The following PREX1 variants were observed in gnomAD, a reference collection of about 807,000 sequenced individuals.
PREX1 encodes phosphatidylinositol 3,4,5-trisphosphate-dependent Rac exchanger 1 protein.
In PREX1, 41 loss-of-function variants were observed where a neutral mutation model predicts 198.3. That is an observed-to-expected ratio of 0.21 (90% CI 0.16 to 0.27). The LOEUF (loss-of-function observed/expected upper bound fraction) is 0.27. Among genes scored for constraint, PREX1 ranks in the 10% least tolerant of loss-of-function variants. PREX1 has a pLI of 1.00. For missense variants in PREX1, 1,620 were observed against 2,200.7 expected, an observed-to-expected ratio of 0.74 and a Z score of 5.28; for synonymous variants, 843 against 887.2, an observed-to-expected ratio of 0.95 and a Z score of 0.89.
At chr20:48,655,419 C>T (rs745654955) in intron 18 of PREX1, 44 bp from the exon 19 acceptor site, 1 of 1,414,298 alleles carries the variant, frequency 7.1e-7, no homozygotes, top group African/African-American at 1.5e-5. Context: ...ATGAGGAAAA[C>T]CAGCATCACT....
intron 1 of PREX1, among the ~76,000 whole-genome samples, chr20:48,757,383 C>T (rs1465895132): frequency 1.3e-5 from 2 of 152,190 alleles, no homozygotes; most frequent in East Asian, 1.9e-4. Context: ...AGAGCAGATG[C>T]CCAGTAACAA....
chr20:48,754,133 G>A (rs765786829), intron 1 of PREX1, among the ~76,000 whole-genome samples: 5 of 152,208 alleles, frequency 3.3e-5, no homozygotes, highest in African/African-American at 4.8e-5. Context: ...CTGATATCGA[G>A]CTGGGAGAGG....
In PREX1 at chr20:48,666,223, C is replaced by CA; in HGVS notation, c.1738+59dup. 6.7e-7 allele frequency: 1 copy of CA among 1,492,768 alleles called. No individual in the cohort carries two copies. Among genetic ancestry groups the CA allele is most frequent in the South Asian group, 1.2e-5 (1 of 82,830 alleles). 92.5% of individuals were successfully genotyped at this position (1,492,768 alleles called of 1,614,324 possible). A position where few individuals can be genotyped will look rare whatever the true frequency, so the allele number is the denominator to read the frequency against. On this transcript the variant is annotated intron_variant, in intron 15 of 39. Transcript: ENST00000371941. This position sits in a 1 kb window ranked among gnomAD's most constrained non-coding sequence, Gnocchi z 4.3. ...TGGCTTCAGTCCTCCCATACTCCCCCAAACCATCAGCTCCAGGGAGCAAGG... is the reference window on the plus strand; with the variant it reads ...TGGCTTCAGTCCTCCCATACTCCCCCAAAACCATCAGCTCCAGGGAGCAAGG...
intron 19 of PREX1, among the ~76,000 whole-genome samples, chr20:48,654,142 G>A (rs151092990): frequency 7.9e-5 from 12 of 152,274 alleles, no homozygotes; most frequent in South Asian, 2.1e-4. Flanking sequence ...TGGAACCTTC[G>A]GCAAGTCCCT....
At position 48,656,417 on chromosome 20, in the gene PREX1, C is replaced by T; in HGVS notation, c.2123+623G>A. On this transcript the variant is annotated intron_variant, in intron 18 of 39. Transcript: ENST00000371941. Reference sequence around the variant, plus strand: ...GCTCCCCATGGGTCCTTGCCAGGGGCCTCCAGGGCTGGACCCCGTTACCCT... The same window carrying T: ...GCTCCCCATGGGTCCTTGCCAGGGGTCTCCAGGGCTGGACCCCGTTACCCT... 9.9e-6 allele frequency: 3 copies of T among 303,938 alleles called. 1 individual carries two copies. Among genetic ancestry groups the T allele is most frequent in the South Asian group, 3.3e-5 (2 of 59,718 alleles). 18.8% of individuals were successfully genotyped at this position (303,938 alleles called of 1,614,324 possible). A position where few individuals can be genotyped will look rare whatever the true frequency, so the allele number is the denominator to read the frequency against.
At chr20:48,705,910 A>G (rs866913379) in intron 6 of PREX1, among the ~76,000 whole-genome samples, 1 of 152,198 alleles carries the variant, frequency 6.6e-6, no homozygotes, top group South Asian at 2.1e-4. Context: ...GGCAGGGCAA[A>G]CTTACTCGAG....
At chr20:48,796,523 G>C (rs1393575281) in intron 1 of PREX1, among the ~76,000 whole-genome samples, 1 of 152,136 alleles carries the variant, frequency 6.6e-6, no homozygotes, top group South Asian at 2.1e-4. Context: ...GCTGCCTCTG[G>C]GGAGGGAACT....
rs576548944 is a variant in PREX1 at position 48,810,363 on chromosome 20, G to A, written c.219+17279C>T. On this transcript the variant is annotated intron_variant, in intron 1 of 39. Transcript: ENST00000371941. ...TTTGGGAGGCTGAGGCAGGAGAATCGCTTAAGTCCAGGAGTTCAAGACCAG... is the reference window on the plus strand; with the variant it reads ...TTTGGGAGGCTGAGGCAGGAGAATCACTTAAGTCCAGGAGTTCAAGACCAG... Among the ~76,000 whole-genome samples, 18 of 150,896 alleles carry A rather than the reference G, an allele frequency of 1.2e-4. 1 individual carries two copies. In the East Asian group the frequency reaches 3.5e-3, roughly 30 times the overall value.
intron 1 of PREX1, among the ~76,000 whole-genome samples, chr20:48,801,309 G>A (rs1024371332): frequency 1.2e-4 from 18 of 152,218 alleles, no homozygotes; most frequent in African/African-American, 4.3e-4. Context: ...CGGTGACACT[G>A]AAGGTCTAAT....
rs1027958063 is a variant in PREX1, at chr20:48,750,421, C to T, written c.220-2541G>A. ...TTCCCACTGCACTTAAAATCCAAAT[C>T]TTTCCATGGTCCCCATGATCTTGTC... On this transcript the variant is annotated intron_variant, in intron 1 of 39. Coordinates refer to ENST00000371941, the MANE Select transcript of PREX1 (RefSeq NM_020820.4). Among the ~76,000 whole-genome samples, 64 of 152,350 alleles carry T rather than the reference C, an allele frequency of 4.2e-4. 1 individual carries two copies. The highest frequency in any genetic ancestry group is 1.5e-3 in the African/African-American group (63 of 41,576).
intron 32 of PREX1, 106 bp from the exon 33 acceptor site, chr20:48,634,881 C>G: frequency 1.1e-6 from 1 of 904,658 alleles, no homozygotes; most frequent in Non-Finnish European, 1.8e-6. Flanking sequence ...CACTGTGGGC[C>G]CCCTGGGTGC....
intron 1 of PREX1, among the ~76,000 whole-genome samples, chr20:48,808,338 C>T (rs1263846988): frequency 6.6e-6 from 1 of 152,162 alleles, no homozygotes; most frequent in Non-Finnish European, 1.5e-5. Flanking sequence ...CCCACAGCCC[C>T]ATCAGCGAGG....
upstream of PREX1, among the ~76,000 whole-genome samples, chr20:48,828,202 C>T (rs1600540310): frequency 1.3e-5 from 2 of 151,136 alleles, no homozygotes; most frequent in African/African-American, 2.4e-5. Flanking sequence ...GCGCTCGGCG[C>T]CTCCGTCGGA....
intron 4 of PREX1, among the ~76,000 whole-genome samples, chr20:48,730,413 CCA>C (rs71827793): frequency 0.35 from 51,479 of 146,244 alleles, 9,547 homozygotes; most frequent in African/African-American, 0.5. Flanking sequence ...GCAAAAGCCA[CCA>C]CACACACACA....
At chr20:48,781,577 G>A (rs2090289912) in intron 1 of PREX1, among the ~76,000 whole-genome samples, 1 of 152,096 alleles carries the variant, frequency 6.6e-6, no homozygotes, top group African/African-American at 2.4e-5. Flanking sequence ...GTGCAGAGAA[G>A]AGTCCCCAAG....
chr20:48,845,437 C>G, the PREX1 span, among the ~76,000 whole-genome samples: 1 of 152,164 alleles, frequency 6.6e-6, no homozygotes, highest in East Asian at 1.9e-4. Flanking sequence ...GGCGCAGTGG[C>G]TCACGCTGTA....
chr20:48,758,803 A>G (rs1157433075), intron 1 of PREX1, among the ~76,000 whole-genome samples: 4 of 152,160 alleles, frequency 2.6e-5, no homozygotes, highest in African/African-American at 7.2e-5. Flanking sequence ...TCTTTCCAAG[A>G]CAATCCTATC....
At chr20:48,780,772 G>C (rs527327666) in intron 1 of PREX1, among the ~76,000 whole-genome samples, 1 of 152,302 alleles carries the variant, frequency 6.6e-6, no homozygotes, top group East Asian at 1.9e-4. Context: ...GCTAAAACTA[G>C]TGGGCAAAGG....
intron 3 of PREX1, among the ~76,000 whole-genome samples, chr20:48,743,591 C>T (rs924529382): frequency 6.6e-5 from 10 of 152,196 alleles, no homozygotes; most frequent in Non-Finnish European, 1.0e-4. Context: ...GAGGAGCGTC[C>T]GCTATGTGAA....
Sources: gnomAD v4.1 joint callset for allele counts (sites outside exome capture counted in the v4.1 genomes callset) on GRCh38, gnomAD v4.1.1 for gene constraint, Gnocchi (gnomAD v3.1) non-coding constraint, MANE v1.5 for transcripts, NCBI Gene and HGNC (gene_info 2026-07-23, HGNC 2026-07-21) for gene names.